Variants in AGBL1 observed in about 807,000 individuals in gnomAD.
The protein encoded by AGBL1 is AGBL carboxypeptidase 1.
AGBL1 carries 130 observed loss-of-function variants against 118.9 expected under a neutral mutation model. The observed-to-expected ratio is 1.09, with a 90% CI of 0.95 to 1.26. The LOEUF (loss-of-function observed/expected upper bound fraction) is 1.26. Ranked by LOEUF, AGBL1 falls within the 50% of genes most tolerant of loss-of-function variation. The probability of loss-of-function intolerance (pLI) is 0.00; values close to 1 mark genes in which losing one functional copy is unlikely to be tolerated. For synonymous variants in AGBL1, 555 were observed against 478.9 expected (o/e 1.16, Z -2.08); for missense variants, 1,584 against 1,298.1 (o/e 1.22, Z -3.38).
At chr15:86,748,478 T>C (rs1430212370) in intron 22 of AGBL1, among the ~76,000 whole-genome samples, 2 of 148,074 alleles carry the variant, frequency 1.4e-5, no homozygotes, top group Non-Finnish European at 3.0e-5. Flanking sequence ...AGAAGCTCTT[T>C]AGTTGAATTA....
chr15:86,624,573 G>A (rs1596316933), intron 21 of AGBL1, among the ~76,000 whole-genome samples: 1 of 152,286 alleles, frequency 6.6e-6, no homozygotes, highest in East Asian at 1.9e-4. Flanking sequence ...CCAAAAGGCT[G>A]CACATAAATT....
At chr15:86,382,753 G>A (rs1265148641) in intron 17 of AGBL1, among the ~76,000 whole-genome samples, 1 of 151,668 alleles carries the variant, frequency 6.6e-6, no homozygotes, top group Non-Finnish European at 1.5e-5. Flanking sequence ...GAAACCAGCA[G>A]CTCAGCCTTA....
chr15:86,672,334 T>C (rs549095442), intron 21 of AGBL1, among the ~76,000 whole-genome samples: 75 of 152,262 alleles, frequency 4.9e-4, no homozygotes, highest in African/African-American at 1.8e-3. Context: ...AATACTATCA[T>C]TTTAGCTGTT....
intron 23 of AGBL1, among the ~76,000 whole-genome samples, chr15:86,985,489 G>A (rs564985113): frequency 3.3e-5 from 5 of 152,312 alleles, no homozygotes; most frequent in South Asian, 4.1e-4. Flanking sequence ...GATGACTAAC[G>A]CTGCTAAGCA....
intron 18 of AGBL1, among the ~76,000 whole-genome samples, chr15:86,506,206 G>A (rs1159565138): frequency 6.6e-6 from 1 of 151,970 alleles, no homozygotes; most frequent in Non-Finnish European, 1.5e-5. Context: ...TCAGGATTGA[G>A]AGCTCAGGGC....
At chr15:86,247,466 CG>C (rs111896459) in intron 6 of AGBL1, among the ~76,000 whole-genome samples, 7 of 152,300 alleles carry the variant, frequency 4.6e-5, no homozygotes, top group South Asian at 2.1e-4. Context: ...TGTATCATAT[CG>C]GGTGGCACGT....
At position 86,909,199 on chromosome 15, in the gene AGBL1, CAT is replaced by C. The variant is rs1293907720; in HGVS notation, c.*1907_*1908del. The stretch of plus-strand genomic sequence containing the variant: ...GGAAGCTGCAAGAGAGGTTAGAAAA[CAT>C]AGTCTTTATTTGAGGTGGGCCCAGC... On this transcript the variant is annotated 3_prime_UTR_variant, in exon 23 of 23. Coordinates refer to ENST00000614907, the MANE Select transcript of AGBL1 (RefSeq NM_001386094.1). 2.0e-5 allele frequency: 3 copies of C among 152,210 alleles called. No homozygotes were observed. Among genetic ancestry groups the C allele is most frequent in the Non-Finnish European group, 4.4e-5 (3 of 68,044 alleles). 9.4% of individuals were successfully genotyped at this position (152,210 alleles called of 1,614,324 possible).
chr15:86,173,841 T>C (rs879550862), intron 5 of AGBL1, among the ~76,000 whole-genome samples: 1 of 152,222 alleles, frequency 6.6e-6, no homozygotes, highest in South Asian at 2.1e-4. Context: ...ATTTGGTTGC[T>C]ATAGCTTTGT....
chr15:86,640,299 A>G (rs2085169557), intron 21 of AGBL1, among the ~76,000 whole-genome samples: 1 of 152,194 alleles, frequency 6.6e-6, no homozygotes, highest in African/African-American at 2.4e-5. Flanking sequence ...ATCACATATT[A>G]TGGCATGAGT....
intron 24 of AGBL1, among the ~76,000 whole-genome samples, chr15:86,993,673 T>C (rs913237095): frequency 4.6e-5 from 7 of 152,172 alleles, no homozygotes; most frequent in Non-Finnish European, 8.8e-5. Context: ...TCTTTATGTA[T>C]GTTGTTCTTC....
At chr15:86,946,843 C>CAAAAAAAAAAAAAAAAAAAAAAAA (rs11355715) in intron 23 of AGBL1, among the ~76,000 whole-genome samples, 1 of 100,148 alleles carries the variant, frequency 1.0e-5, no homozygotes. Flanking sequence ...AAACTCGGTC[C>CAAAAAAAAAAAAAAAAAAAAAAAA]AAAAAAAAAA....
intron 22 of AGBL1, among the ~76,000 whole-genome samples, chr15:86,727,861 C>T (rs76454597): frequency 6.6e-6 from 1 of 152,152 alleles, no homozygotes; most frequent in Non-Finnish European, 1.5e-5. Context: ...TCAGTGACTG[C>T]TTATCCAGTG....
At chr15:86,738,733 C>G (rs2077636664) in intron 22 of AGBL1, among the ~76,000 whole-genome samples, 1 of 152,258 alleles carries the variant, frequency 6.6e-6, no homozygotes, top group East Asian at 1.9e-4. Context: ...ATAAATATCT[C>G]TATTGCAGGC....
At chr15:86,154,679 C>G in intron 4 of AGBL1, 118 bp downstream of exon 4, 1 of 1,239,186 alleles carries the variant, frequency 8.1e-7, no homozygotes, top group South Asian at 1.8e-5. Context: ...CATGGTGGTC[C>G]CAGCCAGATA....
At chr15:86,093,463 C>G (rs750701283) in intron 1 of AGBL1, among the ~76,000 whole-genome samples, 81 of 152,228 alleles carry the variant, frequency 5.3e-4, no homozygotes, top group South Asian at 1.5e-3. Flanking sequence ...ACCCCAGAAA[C>G]TGAAAATACT....
chr15:86,811,132 A>G (rs2078782493), intron 22 of AGBL1, among the ~76,000 whole-genome samples: 1 of 152,216 alleles, frequency 6.6e-6, no homozygotes, highest in African/African-American at 2.4e-5. Flanking sequence ...CTAGAGTGTG[A>G]GAGTCAAGTG....
At chr15:86,760,680 C>T (rs749216634) in intron 22 of AGBL1, among the ~76,000 whole-genome samples, 1 of 152,062 alleles carries the variant, frequency 6.6e-6, no homozygotes, top group Non-Finnish European at 1.5e-5. Context: ...ACTTGGTTCC[C>T]ACCTAGATTT....
intron 22 of AGBL1, among the ~76,000 whole-genome samples, chr15:86,849,517 CTTT>C (rs68185029): frequency 1.5e-5 from 2 of 136,788 alleles, no homozygotes; most frequent in Non-Finnish European, 3.1e-5. Flanking sequence ...TTCTTTCTTT[CTTT>C]TTTTTTTTTT....
At chr15:86,088,083 T>C (rs1173338171) in intron 1 of AGBL1, 2 of 152,288 alleles carry the variant, frequency 1.3e-5, no homozygotes, top group Admixed American at 6.5e-5. Context: ...CCACTGCAGC[T>C]GTAGACAACA....
Sources: gnomAD v4.1 joint callset for allele counts (sites outside exome capture counted in the v4.1 genomes callset) on GRCh38, gnomAD v4.1.1 for gene constraint, MANE v1.5 for transcripts, NCBI Gene and HGNC (gene_info 2026-07-23, HGNC 2026-07-21) for gene names.